COL20A1: variants seen among roughly 807,000 people sequenced by gnomAD.
COL20A1 encodes collagen alpha-1(XX) chain.
In COL20A1, 164 loss-of-function variants were observed where a neutral mutation model predicts 152.9. That is an observed-to-expected ratio of 1.07 (90% CI 0.94 to 1.22). The LOEUF is 1.22. Among genes scored for constraint, COL20A1 ranks in the 50% most tolerant of loss-of-function variants. The pLI is 0.00. For synonymous variants in COL20A1, 864 were observed against 756.0 expected, an observed-to-expected ratio of 1.14 and a Z score of -2.34; for missense variants, 1,873 against 1,744.8, an observed-to-expected ratio of 1.07 and a Z score of -1.31.
At position 63,308,596 on chromosome 20, in the gene COL20A1, G is replaced by A. The variant is rs374818195; in HGVS notation, c.830G>A (p.Arg277His). 702 of 1,605,370 alleles carry A rather than the reference G, an allele frequency of 4.4e-4. No homozygotes were observed. The highest frequency in any genetic ancestry group is 5.7e-4 in the Non-Finnish European group (668 of 1,176,774). ...GQNLQPAAGL[R>H]PEAAKVVILV... ...AACCTGCAGCCGGCGGCTGGCCTCC[G>A]TCCAGAGGCAGCCAAGGTGGTGATT... The change falls in exon 8 of 36, where the codon CGT becomes CAT. Residue 277 changes from arginine (R) to histidine (H), a missense_variant. Physicochemically the swap from Arg to His is conservative, Grantham distance 29 (BLOSUM62 0). Coordinates refer to ENST00000358894, the MANE Select transcript of COL20A1 (RefSeq NM_020882.4).
chr20:63,329,681 A>G lies in COL20A1; in HGVS notation c.*3+20A>G, dbSNP rs1308833300. ...TGACAGGTGAGCCCCTGCTGCCTGCATCTATCTGCCAAGGCTGAGGGCATC... is the reference window on the plus strand; with the variant it reads ...TGACAGGTGAGCCCCTGCTGCCTGCGTCTATCTGCCAAGGCTGAGGGCATC... On this transcript the variant is annotated intron_variant, in intron 35 of 35. Coordinates refer to ENST00000358894, the MANE Select transcript of COL20A1 (RefSeq NM_020882.4). 4 of 1,510,082 alleles carry G rather than the reference A, an allele frequency of 2.6e-6. No individual in the cohort carries two copies. In the South Asian group the frequency reaches 5.0e-5, roughly 19 times the overall value. The allele number at this position is 1,510,082 out of a possible 1,614,324, so 93.5% of individuals were successfully genotyped here.
chr20:63,295,433 G>A (rs565106227), intron 2 of COL20A1, among the ~76,000 whole-genome samples: 2 of 152,272 alleles, frequency 1.3e-5, no homozygotes, highest in Non-Finnish European at 2.9e-5. Context: ...ATGCTTGGCC[G>A]AGAGTTATTC....
chr20:63,303,089 G>A lies in COL20A1; in HGVS notation c.194-2328G>A, dbSNP rs144824549. 2.8e-3 allele frequency among the ~76,000 whole-genome samples: 423 copies of A among 152,274 alleles called. 2 individuals carry two copies. The highest frequency in any genetic ancestry group is 0.014 in the Middle Eastern group (4 of 294). On this transcript the variant is annotated intron_variant, in intron 3 of 35. Transcript: ENST00000358894. ...GATTCTATATTCTTTTACCCTTCAA[G>A]TAACCACACTAGCGACCACAACATA...
chr20:63,315,333 T>C (rs980478707), intron 19 of COL20A1, 71 bp from the exon 20 acceptor site: 2 of 1,439,736 alleles, frequency 1.4e-6, no homozygotes, highest in African/African-American at 1.4e-5. Flanking sequence ...AAGTGGCCCC[T>C]CCCCAGCGGT....
chr20:63,327,938 C>T lies in COL20A1; in HGVS notation c.3529-14C>T. On this transcript the variant is annotated splice_polypyrimidine_tract_variant and intron_variant, in intron 31 of 35. Coordinates refer to ENST00000358894, the MANE Select transcript of COL20A1 (RefSeq NM_020882.4). Reference sequence around the variant, plus strand: ...CATCTCTGCTGACTTCTTTTCTCTTCCCCTCCTCATCAGGGACTGCCAGGG... The same window carrying T: ...CATCTCTGCTGACTTCTTTTCTCTTTCCCTCCTCATCAGGGACTGCCAGGG... The T allele has an allele frequency of 1.9e-6, 3 of 1,590,756 alleles. No individual in the cohort carries two copies. The highest frequency in any genetic ancestry group is 1.7e-4 in the Middle Eastern group (1 of 6,030).
In COL20A1 at chr20:63,293,250, G is replaced by C. The variant is rs192362734; in HGVS notation, c.-36G>C. ...TGGACCAGCACACCCCAGGAGAGAG[G>C]ACTGGGGTCCCAGGAGTAGGAGGAG... On this transcript the variant is annotated 5_prime_UTR_variant, in exon 1 of 36. Coordinates refer to ENST00000358894, the MANE Select transcript of COL20A1 (RefSeq NM_020882.4). 23 of 152,438 alleles carry C rather than the reference G, an allele frequency of 1.5e-4. No homozygotes were observed. The highest frequency in any genetic ancestry group is 5.5e-4 in the African/African-American group (23 of 41,562). The allele number at this position is 152,438 out of a possible 1,614,324, so 9.4% of individuals were successfully genotyped here.
intron 21 of COL20A1, among the ~76,000 whole-genome samples, chr20:63,317,627 T>C (rs890164793): frequency 3.9e-5 from 6 of 152,060 alleles, no homozygotes; most frequent in Non-Finnish European, 1.5e-5. Flanking sequence ...CGCCGGCCCA[T>C]GTGCTATGCT....
intron 14 of COL20A1, 77 bp from the exon 15 acceptor site, chr20:63,312,343 C>T: frequency 7.0e-7 from 1 of 1,425,678 alleles, no homozygotes; most frequent in South Asian, 1.5e-5. Context: ...GCTGCAGGTG[C>T]TGGGCCTGAT....
At position 63,329,669 on chromosome 20, in the gene COL20A1, C is replaced by G. The variant is rs767560296; in HGVS notation, c.*3+8C>G. ...GGCCTCTGGGAGTGACAGGTGAGCCCCTGCTGCCTGCATCTATCTGCCAAG... is the reference window on the plus strand; with the variant it reads ...GGCCTCTGGGAGTGACAGGTGAGCCGCTGCTGCCTGCATCTATCTGCCAAG... On this transcript the variant is annotated splice_region_variant and intron_variant, in intron 35 of 35. Coordinates refer to ENST00000358894, the MANE Select transcript of COL20A1 (RefSeq NM_020882.4). 2 of 1,559,656 alleles carry G rather than the reference C, an allele frequency of 1.3e-6. No homozygotes were observed. Among genetic ancestry groups the G allele is most frequent in the Admixed American group, 3.7e-5 (2 of 54,048 alleles).
chr20:63,308,464 G>C, intron 7 of COL20A1, 78 bp from the exon 8 acceptor site: 1 of 1,334,740 alleles, frequency 7.5e-7, no homozygotes, highest in Non-Finnish European at 1.0e-6. Flanking sequence ...GAGCATCTCT[G>C]CTGTCCGGTT....
intron 6 of COL20A1, 24 bp downstream of exon 6, chr20:63,307,672 C>T (rs1341481627): frequency 1.2e-6 from 2 of 1,602,386 alleles, no homozygotes; most frequent in South Asian, 1.1e-5. Context: ...CGGCCCGCCT[C>T]CTGCCCCACC....
chr20:63,312,780 C>T lies in COL20A1; in HGVS notation c.1934-12C>T, dbSNP rs776923018. On this transcript the variant is annotated splice_polypyrimidine_tract_variant and intron_variant, in intron 15 of 35. Coordinates refer to ENST00000358894, the MANE Select transcript of COL20A1 (RefSeq NM_020882.4). Reference sequence around the variant, plus strand: ...GGGCTACACCCCCAGCCTGTGTCTCCACTTCCTTCAGAGAAAGCTCCCAGC... The same window carrying T: ...GGGCTACACCCCCAGCCTGTGTCTCTACTTCCTTCAGAGAAAGCTCCCAGC... 30 of 1,538,496 alleles carry T rather than the reference C, an allele frequency of 1.9e-5. No homozygotes were observed. Among genetic ancestry groups the T allele is most frequent in the Non-Finnish European group, 2.6e-5 (30 of 1,136,252 alleles).
intron 21 of COL20A1, 42 bp downstream of exon 21, chr20:63,316,733 G>A: frequency 6.8e-7 from 1 of 1,477,180 alleles, no homozygotes; most frequent in South Asian, 1.3e-5. Flanking sequence ...AGCCCAGGCT[G>A]GGGCCGCTGA....
At chr20:63,312,702 G>A (rs2068026103) in intron 15 of COL20A1, 90 bp from the exon 16 acceptor site, 3 of 1,468,672 alleles carry the variant, frequency 2.0e-6, no homozygotes, top group Non-Finnish European at 2.8e-6. Flanking sequence ...ATGGATGGGG[G>A]TATAGGGTGC....
At chr20:63,303,178 A>G (rs2067880795) in intron 3 of COL20A1, among the ~76,000 whole-genome samples, 1 of 152,236 alleles carries the variant, frequency 6.6e-6, no homozygotes, top group Non-Finnish European at 1.5e-5. Context: ...AGGCAACGCT[A>G]GGACCTTAGA....
At chr20:63,307,695 C>T (rs776981859) in intron 6 of COL20A1, 47 bp downstream of exon 6, 8 of 1,581,730 alleles carry the variant, frequency 5.1e-6, no homozygotes, top group Admixed American at 3.4e-5. Flanking sequence ...GGTGTGGTCC[C>T]CACAGCTCTG....
chr20:63,314,972 G>C (rs1327147075), intron 19 of COL20A1, among the ~76,000 whole-genome samples: 1 of 149,778 alleles, frequency 6.7e-6, no homozygotes, highest in Non-Finnish European at 1.5e-5. Context: ...CCCAGGACAC[G>C]TGTGTCCCCA....
At chr20:63,317,868 C>G (rs182658572) in intron 21 of COL20A1, among the ~76,000 whole-genome samples, 1 of 152,178 alleles carries the variant, frequency 6.6e-6, no homozygotes. Flanking sequence ...AGACGCCCCC[C>G]GCCCCCCTCT....
intron 25 of COL20A1, 29 bp downstream of exon 25, chr20:63,320,397 C>T (rs374170593): frequency 7.5e-6 from 12 of 1,606,186 alleles, no homozygotes; most frequent in African/African-American, 4.0e-5. Flanking sequence ...CCCTGTTCCA[C>T]GAAGCAAGTT....
Sources: gnomAD v4.1 joint callset for allele counts (sites outside exome capture counted in the v4.1 genomes callset) on GRCh38, gnomAD v4.1.1 for gene constraint, MANE v1.5 for transcripts, NCBI Gene and HGNC (gene_info 2026-07-23, HGNC 2026-07-21) for gene names.